Variants in NUP188 observed in about 807,000 individuals in gnomAD.
NUP188 encodes the protein nucleoporin NUP188.
A neutral mutation model predicts 223.0 loss-of-function variants in NUP188; 97 were observed. The ratio of observed to expected loss-of-function variants is 0.43; its 90% CI spans 0.37 to 0.51. The LOEUF (loss-of-function observed/expected upper bound fraction) is 0.51. Ranked by LOEUF, NUP188 falls within the 20% of genes least tolerant of loss-of-function variation. NUP188 has a pLI of 0.00. For synonymous variants in NUP188, 869 were observed against 828.0 expected (o/e 1.05, Z -0.85); for missense variants, 1,947 against 2,175.6 (o/e 0.89, Z 2.09).
At chr9:128,975,983 T>TG (rs1255568718) in intron 12 of NUP188, among the ~76,000 whole-genome samples, 2 of 152,086 alleles carry the variant, frequency 1.3e-5, no homozygotes, top group African/African-American at 2.4e-5. Context: ...CCACCATGTC[T>TG]GGCTAGTTTT....
chr9:128,998,568 C>T lies in NUP188; in HGVS notation c.3460C>T (p.Arg1154Cys), dbSNP rs200827758. Residue 1154 changes from arginine (R) to cysteine (C), a missense_variant, in exon 32 of 44, where the codon CGC becomes TGC. By Grantham distance (180) the Arg-to-Cys change is radical. This residue lies in a region of NUP188 where 905 missense variants were observed against 990.6 expected (regional missense o/e 0.91). Coordinates refer to ENST00000372577, the MANE Select transcript of NUP188 (RefSeq NM_015354.3). ...LLVPASVNCL[R>C]LGSMKCTLLL... The stretch of plus-strand genomic sequence containing the variant: ...AGTTCCAGCCTCAGTGAACTGCCTT[C>T]GCCTTGGCTCCATGAAGTGCACTCT... 4.7e-5 allele frequency: 76 copies of T among 1,614,040 alleles called. No individual in the cohort carries two copies. Among genetic ancestry groups the T allele is most frequent in the Non-Finnish European group, 6.2e-5 (73 of 1,180,026 alleles).
intron 30 of NUP188, among the ~76,000 whole-genome samples, chr9:128,997,640 C>T (rs1473783050): frequency 6.6e-6 from 1 of 152,048 alleles, no homozygotes; most frequent in African/African-American, 2.4e-5. Context: ...CAGGCATGCA[C>T]CACCATACCC....
chr9:128,983,164 G>T, intron 17 of NUP188, 129 bp from the exon 18 acceptor site: 2 of 1,426,262 alleles, frequency 1.4e-6, no homozygotes, highest in Admixed American at 1.7e-5. Context: ...TTTTATATCT[G>T]TGAGGGTTTT....
At chr9:128,972,954 C>T (rs191262996) in intron 11 of NUP188, among the ~76,000 whole-genome samples, 26 of 152,148 alleles carry the variant, frequency 1.7e-4, no homozygotes, top group African/African-American at 5.5e-4. Context: ...TGATTTTATT[C>T]TTGACTTTGT....
At chr9:128,976,797 C>G (rs1027290137) in intron 12 of NUP188, among the ~76,000 whole-genome samples, 1 of 151,974 alleles carries the variant, frequency 6.6e-6, no homozygotes, top group African/African-American at 2.4e-5. Flanking sequence ...CATATTAGGG[C>G]CAAGCACTGT....
intron 25 of NUP188, chr9:128,992,976 G>A (rs1842457052): frequency 3.6e-6 from 2 of 551,444 alleles, no homozygotes; most frequent in Admixed American, 6.2e-5. Context: ...ATTTAACCAT[G>A]AGGGAAGTTG....
Position 128,982,542 on chromosome 9 carries a change from C to T in NUP188, c.1517-7C>T, listed in dbSNP as rs1463270098. 6.2e-7 allele frequency: 1 copy of T among 1,605,582 alleles called. No homozygotes were observed. On this transcript the variant is annotated splice_region_variant and splice_polypyrimidine_tract_variant and intron_variant, in intron 15 of 43. Transcript: ENST00000372577. ...AGATATTAGACTAATTTATCTTTCT[C>T]TCTCAGGGGGTCAAACCAACCTTCG... is the stretch of plus-strand genomic sequence containing the variant.
At chr9:128,990,819 C>T (rs1187140902) in intron 25 of NUP188, among the ~76,000 whole-genome samples, 9 of 152,154 alleles carry the variant, frequency 5.9e-5, no homozygotes, top group African/African-American at 1.4e-4. Context: ...GAGCTGAGAT[C>T]GCGCCACTGC....
In NUP188 at chr9:128,993,241, T is replaced by A; in HGVS notation, c.2685T>A (p.Ala895=). 1 of 1,614,214 alleles carries A rather than the reference T, an allele frequency of 6.2e-7. No homozygotes were observed. The highest frequency in any genetic ancestry group is 8.5e-7 in the Non-Finnish European group (1 of 1,180,028). Residue 895 remains alanine, a synonymous_variant, in exon 26 of 44, where the codon GCT becomes GCA. Transcript: ENST00000372577. ...SVYACLGNDA[A]AIRDAFLTRL... ...ATGCTTGTCTGGGCAATGATGCGGC[T>A]GCCATTCGTGATGCCTTCCTGACCC... is the stretch of plus-strand genomic sequence containing the variant.
intron 26 of NUP188, 47 bp from the exon 27 acceptor site, chr9:128,993,478 G>C: frequency 1.2e-6 from 2 of 1,611,520 alleles, no homozygotes; most frequent in Non-Finnish European, 1.7e-6. Context: ...AAGTACAGCT[G>C]CTGGCAGTGG....
chr9:128,947,969 T>G, intron 1 of NUP188: 29 of 375,002 alleles, frequency 7.7e-5, no homozygotes, highest in East Asian at 1.2e-4. Flanking sequence ...TCTTCACCCC[T>G]TCCCTCCGCG....
Position 128,993,208 on chromosome 9 carries a change from G to A in NUP188, c.2652G>A (p.Met884Ile), listed in dbSNP as rs1220641853. 1 of 1,614,124 alleles carries A rather than the reference G, an allele frequency of 6.2e-7. No homozygotes were observed. Among genetic ancestry groups the A allele is most frequent in the Non-Finnish European group, 8.5e-7 (1 of 1,179,970 alleles). The change falls in exon 26 of 44, where the codon ATG becomes ATA. Residue 884 changes from methionine (M) to isoleucine (I), a missense_variant. Met to Ile is a conservative substitution (Grantham distance 10). Coordinates refer to ENST00000372577, the MANE Select transcript of NUP188 (RefSeq NM_015354.3). ...LLKRLATVAP[M>I]SVYACLGNDA... ...CCGGTCTCCACCAGGTGGCCCCAAT[G>A]TCAGTGTATGCTTGTCTGGGCAATG...
Position 128,970,776 on chromosome 9 carries a change from T to C in NUP188, c.931T>C (p.Leu311=), listed in dbSNP as rs1228503792. The change falls in exon 11 of 44, where the codon TTG becomes CTG. Residue 311 remains leucine (L), a synonymous_variant. Coordinates refer to ENST00000372577, the MANE Select transcript of NUP188 (RefSeq NM_015354.3). ...TCACTAGGATATGGACTGTTTAATG[T>C]TGACCTTTGGGGACATTCCACATCA... ...LICQDMDCLM[L]TFGDIPHHAP... 1 of 1,614,192 alleles carries C rather than the reference T, an allele frequency of 6.2e-7. No individual in the cohort carries two copies. The highest frequency in any genetic ancestry group is 1.3e-5 in the African/African-American group (1 of 75,058).
At position 129,006,783 on chromosome 9, in the gene NUP188, C is replaced by CAT; in HGVS notation, c.*105_*106insAT. On this transcript the variant is annotated 3_prime_UTR_variant, in exon 44 of 44. Coordinates refer to ENST00000372577, the MANE Select transcript of NUP188 (RefSeq NM_015354.3). ...GGGCCTATACAATGGAGGGCACCTC[C>CAT]TGTCACCCCCCTCCCGGAGTAGCCA... 7.4e-6 allele frequency: 9 copies of CAT among 1,209,538 alleles called. No individual in the cohort carries two copies. The highest frequency in any genetic ancestry group is 2.9e-4 in the Middle Eastern group (1 of 3,394). 74.9% of individuals were successfully genotyped at this position (1,209,538 alleles called of 1,614,324 possible).
chr9:128,997,876 A>G (rs1319909141), intron 30 of NUP188, among the ~76,000 whole-genome samples: 2 of 151,562 alleles, frequency 1.3e-5, no homozygotes, highest in African/African-American at 4.9e-5. Flanking sequence ...GCGCGCCACC[A>G]TGCCTGGCTA....
intron 34 of NUP188, 123 bp downstream of exon 34, chr9:128,999,928 G>C: frequency 1.1e-6 from 1 of 901,574 alleles, no homozygotes; most frequent in South Asian, 1.6e-5. Flanking sequence ...ACGGCCTGGT[G>C]GGAAAGGTTA....
In NUP188 at chr9:129,001,887, G is replaced by T. The variant is rs1842676883; in HGVS notation, c.4048G>T (p.Ala1350Ser). ...TCCTGTCTTTCCCTCCTCCCAGGGA[G>T]CCACAGCAGTGGCTGGAGCTGGCAT... The part of the protein sequence containing the change: ...LLTLARTQQG[A>S]TAVAGAGITQ... Residue 1350 changes from alanine to serine, a missense_variant, in exon 36 of 44, where the codon GCC becomes TCC. Ala to Ser is a moderately conservative substitution (Grantham distance 99). Coordinates refer to ENST00000372577, the MANE Select transcript of NUP188 (RefSeq NM_015354.3). The T allele has an allele frequency of 6.2e-7, 1 of 1,613,940 alleles. No individual in the cohort carries two copies. The highest frequency in any genetic ancestry group is 8.5e-7 in the Non-Finnish European group (1 of 1,179,876).
chr9:128,961,574 A>ATATCTATCTATC (rs376439021), intron 8 of NUP188, among the ~76,000 whole-genome samples: 3 of 140,372 alleles, frequency 2.1e-5, no homozygotes, highest in Middle Eastern at 3.5e-3. Flanking sequence ...ATCTATATCT[A>ATATCTATCTATC]TATCTATCTA....
intron 28 of NUP188, 115 bp from the exon 29 acceptor site, chr9:128,994,739 AGG>A: frequency 1.2e-6 from 1 of 850,956 alleles, no homozygotes; most frequent in Admixed American, 1.9e-5. Flanking sequence ...CACATTCAAC[AGG>A]GGTTGTGCTA....
Sources: gnomAD v4.1 joint callset for allele counts (sites outside exome capture counted in the v4.1 genomes callset) on GRCh38, gnomAD v4.1.1 for gene constraint, gnomAD v4.1.1 regional missense constraint, MANE v1.5 for transcripts, NCBI Gene and HGNC (gene_info 2026-07-23, HGNC 2026-07-21) for gene names.